The following PRKG1 variants were observed in gnomAD, a reference collection of about 807,000 sequenced individuals.
PRKG1 encodes protein kinase cGMP-dependent 1.
A neutral mutation model predicts 88.1 loss-of-function variants in PRKG1; 35 were observed. The observed-to-expected ratio is 0.40, with a 90% confidence interval of 0.30 to 0.53. The LOEUF is 0.53. PRKG1 is among the 20% of genes least tolerant of loss of function. The pLI is 0.59. For missense variants in PRKG1, 540 were observed against 839.8 expected (o/e 0.64, Z 4.41); for synonymous variants, 303 against 292.5 (o/e 1.04, Z -0.37).
chr10:51,352,967 G>C (rs1235323778), intron 2 of PRKG1, among the ~76,000 whole-genome samples: 4 of 151,952 alleles, frequency 2.6e-5, no homozygotes, highest in Admixed American at 6.6e-5. Flanking sequence ...CAACGGAACA[G>C]ATAGAGAACC....
At chr10:52,287,775 G>A (rs1047568516) in intron 14 of PRKG1, among the ~76,000 whole-genome samples, 1 of 151,824 alleles carries the variant, frequency 6.6e-6, no homozygotes, top group Admixed American at 6.6e-5. Context: ...TAGCAAAGAG[G>A]ATGCCTAGTG....
intron 5 of PRKG1, among the ~76,000 whole-genome samples, chr10:52,050,988 C>G (rs552177985): frequency 6.6e-6 from 1 of 152,228 alleles, no homozygotes; most frequent in Admixed American, 6.5e-5. Flanking sequence ...CTACTAGCAT[C>G]TAGTTGGAAG....
At chr10:51,853,959 A>C (rs1358266312) in intron 4 of PRKG1, among the ~76,000 whole-genome samples, 1 of 152,018 alleles carries the variant, frequency 6.6e-6, no homozygotes, top group African/African-American at 2.4e-5. Context: ...CAAGTGGTAA[A>C]ATGCAGACTT....
chr10:51,678,254 CCA>C (rs1840760625), intron 3 of PRKG1, among the ~76,000 whole-genome samples: 1 of 152,038 alleles, frequency 6.6e-6, no homozygotes, highest in Non-Finnish European at 1.5e-5. Flanking sequence ...GCAAGGGAAG[CCA>C]TTGATTGGGA....
chr10:51,629,825 C>T (rs1226515874), intron 3 of PRKG1, among the ~76,000 whole-genome samples: 2 of 152,110 alleles, frequency 1.3e-5, no homozygotes, highest in Admixed American at 6.5e-5. Flanking sequence ...TACTCAAACT[C>T]TTTGAAAGCT....
chr10:51,886,575 G>A (rs1841575416), intron 4 of PRKG1, among the ~76,000 whole-genome samples: 1 of 152,128 alleles, frequency 6.6e-6, no homozygotes, highest in Non-Finnish European at 1.5e-5. Context: ...GGGCAACTTG[G>A]AGGATATTTG....
chr10:51,224,211 G>A (rs548431450), intron 2 of PRKG1, among the ~76,000 whole-genome samples: 125 of 152,344 alleles, frequency 8.2e-4, no homozygotes, highest in African/African-American at 3.0e-3. Flanking sequence ...AACGTTTTCA[G>A]TGGGAAGTTC....
chr10:51,304,832 C>T (rs1186536203), intron 2 of PRKG1, among the ~76,000 whole-genome samples: 1 of 151,868 alleles, frequency 6.6e-6, no homozygotes, highest in East Asian at 1.9e-4. Context: ...TTTATGGCTG[C>T]ATAGTATTCC....
intron 3 of PRKG1, among the ~76,000 whole-genome samples, chr10:51,478,327 A>G (rs923047628): frequency 1.3e-5 from 2 of 152,086 alleles, no homozygotes; most frequent in Non-Finnish European, 2.9e-5. Flanking sequence ...TGTTCAATTT[A>G]TCTGTCTTCT....
intron 9 of PRKG1, among the ~76,000 whole-genome samples, chr10:52,174,732 C>T (rs1171947659): frequency 6.6e-6 from 1 of 151,890 alleles, no homozygotes; most frequent in Non-Finnish European, 1.5e-5. Flanking sequence ...CACATATTCC[C>T]AGCGACATGT....
intron 5 of PRKG1, among the ~76,000 whole-genome samples, chr10:51,963,478 A>G (rs1843494269): frequency 6.6e-6 from 1 of 151,862 alleles, no homozygotes; most frequent in Admixed American, 6.6e-5. Flanking sequence ...ATTATTTTTT[A>G]AGAGAGAGTC....
intron 2 of PRKG1, among the ~76,000 whole-genome samples, chr10:51,429,024 C>G (rs996244469): frequency 6.6e-6 from 1 of 152,150 alleles, no homozygotes; most frequent in Non-Finnish European, 1.5e-5. Flanking sequence ...CTATACATCC[C>G]TTGCTGGACA....
chr10:51,927,213 G>C (rs1842597499), intron 5 of PRKG1, among the ~76,000 whole-genome samples: 2 of 152,138 alleles, frequency 1.3e-5, no homozygotes, highest in African/African-American at 4.8e-5. Context: ...TTGAATCATA[G>C]GGGTGGTTTC....
chr10:51,979,424 T>TTTG (rs1843943466), intron 5 of PRKG1, among the ~76,000 whole-genome samples: 2 of 138,582 alleles, frequency 1.4e-5, no homozygotes, highest in Non-Finnish European at 3.1e-5. Context: ...TTTTTTTTTT[T>TTTG]TTTTTTTTTT....
intron 9 of PRKG1, among the ~76,000 whole-genome samples, chr10:52,204,289 T>A (rs1048513056): frequency 6.6e-6 from 1 of 152,038 alleles, no homozygotes; most frequent in African/African-American, 2.4e-5. Flanking sequence ...AGAGACCATG[T>A]TGGCCAGGCT....
intron 10 of PRKG1, among the ~76,000 whole-genome samples, chr10:52,266,399 T>C (rs2132424080): frequency 6.6e-6 from 1 of 151,976 alleles, no homozygotes; most frequent in South Asian, 2.1e-4. Flanking sequence ...GACCCCAGTG[T>C]GTGTTGTTCC....
At chr10:52,035,456 T>C (rs1319040517) in intron 5 of PRKG1, among the ~76,000 whole-genome samples, 2 of 152,152 alleles carry the variant, frequency 1.3e-5, no homozygotes, top group East Asian at 1.9e-4. Flanking sequence ...TGGCTTGTAC[T>C]ATAGCATAAC....
rs183594453 is a variant in PRKG1, at chr10:52,171,371, T to C, written c.1076+9408T>C. Among the ~76,000 whole-genome samples the C allele has an allele frequency of 5.2e-3, 798 of 152,266 alleles. 7 individuals are homozygous for C. Among genetic ancestry groups the C allele is most frequent in the South Asian group, 0.036 (173 of 4,828 alleles). On this transcript the variant is annotated intron_variant, in intron 9 of 17. Transcript: ENST00000373980. Reference sequence around the variant, plus strand: ...AAACACTGAGAATGGCATTGTGAAATAGCCCTCAAACCAGAATTAGAACTT... The same window carrying C: ...AAACACTGAGAATGGCATTGTGAAACAGCCCTCAAACCAGAATTAGAACTT...
At chr10:52,061,480 G>T (rs892428109) in intron 6 of PRKG1, among the ~76,000 whole-genome samples, 1 of 152,072 alleles carries the variant, frequency 6.6e-6, no homozygotes, top group Non-Finnish European at 1.5e-5. Flanking sequence ...AATGTTAGTA[G>T]AGCTTGAGGG....
Sources: gnomAD v4.1 joint callset for allele counts (sites outside exome capture counted in the v4.1 genomes callset) on GRCh38, gnomAD v4.1.1 for gene constraint, MANE v1.5 for transcripts, NCBI Gene and HGNC (gene_info 2026-07-23, HGNC 2026-07-21) for gene names.